THSD4: variants seen among roughly 807,000 people sequenced by gnomAD.
The protein encoded by THSD4 is thrombospondin type 1 domain containing 4, also known as thrombospondin type-1 domain-containing protein 4.
THSD4 carries 69 observed loss-of-function variants against 119.0 expected under a neutral mutation model. The ratio of observed to expected loss-of-function variants is 0.58; its 90% CI spans 0.48 to 0.71. The LOEUF is 0.71. Among genes scored for constraint, THSD4 ranks in the 30% least tolerant of loss-of-function variants. THSD4 has a pLI of 0.00. For missense variants in THSD4, 1,393 were observed against 1,391.1 expected, an observed-to-expected ratio of 1.00 and a Z score of -0.02; for synonymous variants, 524 against 540.4, an observed-to-expected ratio of 0.97 and a Z score of 0.42.
At chr15:71,114,482 C>T (rs944935796), upstream of THSD4, among the ~76,000 whole-genome samples, 6 of 152,150 alleles carry the variant, frequency 3.9e-5, no homozygotes, top group Admixed American at 6.5e-5. Flanking sequence ...ATTTGTCACC[C>T]CCTCCCTGCT....
rs561618907 is a variant in THSD4 at position 71,447,362 on chromosome 15, GCCACCTTGGCTTC to G, written c.1152+35556_1152+35568del. Among the ~76,000 whole-genome samples the G allele has an allele frequency of 5.5e-3, 828 of 151,792 alleles. 7 individuals are homozygous for G. The highest frequency in any genetic ancestry group is 0.019 in the African/African-American group (789 of 41,350). ...TCTTGATCTCTTGACCTCGTGATCCGCCACCTTGGCTTCCCACCTTGGCTTCCCAAAGTGCAAG... is the reference window on the plus strand; with the variant it reads ...TCTTGATCTCTTGACCTCGTGATCCGCCACCTTGGCTTCCCAAAGTGCAAG... On this transcript the variant is annotated intron_variant, in intron 7 of 17. Transcript: ENST00000261862.
intron 14 of THSD4, among the ~76,000 whole-genome samples, chr15:71,755,404 C>A (rs543246984): frequency 3.9e-4 from 59 of 152,200 alleles, no homozygotes; most frequent in African/African-American, 1.4e-3. Flanking sequence ...TTGTTTTTCC[C>A]TTTTCTCAAT....
intron 7 of THSD4, among the ~76,000 whole-genome samples, chr15:71,472,479 C>T (rs1452620285): frequency 6.6e-6 from 1 of 152,122 alleles, no homozygotes; most frequent in Non-Finnish European, 1.5e-5. Context: ...TTGGACTGTC[C>T]CTGCAAGCCT....
intron 6 of THSD4, among the ~76,000 whole-genome samples, chr15:71,387,680 C>G (rs920482246): frequency 1.4e-4 from 22 of 152,036 alleles, no homozygotes; most frequent in African/African-American, 5.3e-4. Context: ...TATGTGCTGT[C>G]CTTAAAAAAG....
chr15:71,229,110 T>A (rs917394606), intron 4 of THSD4, among the ~76,000 whole-genome samples: 2 of 152,256 alleles, frequency 1.3e-5, no homozygotes, highest in Non-Finnish European at 2.9e-5. Context: ...GTTGTTAAGC[T>A]CTTTAGAGGC....
chr15:71,781,259 A>G lies in THSD4; in HGVS notation c.*3885A>G, dbSNP rs1424453309. On this transcript the variant is annotated 3_prime_UTR_variant, in exon 18 of 18. Transcript: ENST00000261862. ...AGACTAGAATAAAACTTGGATGTTA[A>G]AAATTCACCAGGAATCCACATAAAG... 1 of 156,280 alleles carries G rather than the reference A, an allele frequency of 6.4e-6. No homozygotes were observed. Among genetic ancestry groups the G allele is most frequent in the Non-Finnish European group, 1.4e-5 (1 of 70,362 alleles). The allele number at this position is 156,280 out of a possible 1,614,324, so 9.7% of individuals were successfully genotyped here. A position where few individuals can be genotyped will look rare whatever the true frequency, so the allele number is the denominator to read the frequency against.
chr15:71,551,193 T>C (rs1326645279), intron 7 of THSD4, among the ~76,000 whole-genome samples: 2 of 152,248 alleles, frequency 1.3e-5, no homozygotes, highest in African/African-American at 4.8e-5. Context: ...AAATTGAATG[T>C]GCATAAAATG....
At chr15:71,565,183 G>A (rs1281441313) in intron 7 of THSD4, among the ~76,000 whole-genome samples, 2 of 152,240 alleles carry the variant, frequency 1.3e-5, no homozygotes, top group African/African-American at 4.8e-5. Flanking sequence ...CCCTGACCCA[G>A]TGGAGATAAA....
At chr15:71,613,156 T>G (rs2050260953) in intron 7 of THSD4, among the ~76,000 whole-genome samples, 1 of 152,032 alleles carries the variant, frequency 6.6e-6, no homozygotes, top group South Asian at 2.1e-4. Flanking sequence ...TCCCAAAGCA[T>G]GTTTCAGAAC....
intron 7 of THSD4, among the ~76,000 whole-genome samples, chr15:71,412,535 G>A (rs1490281043): frequency 1.3e-5 from 2 of 152,178 alleles, no homozygotes; most frequent in Non-Finnish European, 2.9e-5. Flanking sequence ...ATGGAGCTAA[G>A]ATTTAGCAGG....
At chr15:71,516,452 C>T (rs72735349) in intron 7 of THSD4, among the ~76,000 whole-genome samples, 18,292 of 152,194 alleles carry the variant, frequency 0.12, 1,395 homozygotes, top group Middle Eastern at 0.28. Context: ...CCTCCTTTCT[C>T]TTCTATGACA....
chr15:71,354,022 T>C (rs2045777274), intron 6 of THSD4, among the ~76,000 whole-genome samples: 1 of 152,100 alleles, frequency 6.6e-6, no homozygotes, highest in African/African-American at 2.4e-5. Flanking sequence ...GCCACCTGGG[T>C]GTGGTAGCTC....
intron 1 of THSD4, among the ~76,000 whole-genome samples, chr15:71,109,013 A>AACAAACAT (rs1439283571): frequency 6.7e-6 from 1 of 148,712 alleles, no homozygotes; most frequent in Admixed American, 6.6e-5. Flanking sequence ...CAAACAAACA[A>AACAAACAT]AAAAACAAAC....
Position 71,611,215 on chromosome 15 carries a change from G to A in THSD4, c.1153-49315G>A, listed in dbSNP as rs66846688. Among the ~76,000 whole-genome samples the A allele has an allele frequency of 1.2e-4, 19 of 152,234 alleles. No homozygotes were observed. The South Asian group carries it at 1.5e-3, about 12-fold the overall frequency. The stretch of plus-strand genomic sequence containing the variant: ...AATAGCAGAGACAGCCAGTTTCAGC[G>A]CATGGACTCCATTTCCCTTGTGTAT... On this transcript the variant is annotated intron_variant, in intron 7 of 17. Coordinates refer to ENST00000261862, the MANE Select transcript of THSD4 (RefSeq NM_024817.3).
At position 71,320,696 on chromosome 15, in the gene THSD4, G is replaced by A. The variant is rs140426848; in HGVS notation, c.1015+63981G>A. 2.8e-4 allele frequency among the ~76,000 whole-genome samples: 42 copies of A among 152,260 alleles called. No individual in the cohort carries two copies. In the East Asian group the frequency reaches 7.9e-3, roughly 29 times the overall value. ...AAGCTTTTTCAAAAATGTGGGACTC[G>A]CACTGCTTGTCCCTTGATTTTAGTG... On this transcript the variant is annotated intron_variant, in intron 6 of 17. Transcript: ENST00000261862.
chr15:71,512,600 T>C (rs770326983), intron 7 of THSD4, among the ~76,000 whole-genome samples: 5 of 152,198 alleles, frequency 3.3e-5, no homozygotes, highest in Admixed American at 6.5e-5. Flanking sequence ...ATATTTAACA[T>C]AGGATAAGGA....
chr15:71,341,054 T>C (rs1229032194), intron 6 of THSD4: 16 of 838,134 alleles, frequency 1.9e-5, no homozygotes, highest in Non-Finnish European at 2.8e-5. Context: ...CTCCCATTTC[T>C]TTTTTCTTTT....
chr15:71,426,464 C>G (rs2046870450), intron 7 of THSD4, among the ~76,000 whole-genome samples: 1 of 151,590 alleles, frequency 6.6e-6, no homozygotes, highest in South Asian at 2.1e-4. Flanking sequence ...CTCTGCTGAA[C>G]CACACAAGTA....
chr15:71,406,642 TGGTGTGTGTGTG>T (rs2046610454), intron 6 of THSD4, among the ~76,000 whole-genome samples: 2 of 134,806 alleles, frequency 1.5e-5, no homozygotes, highest in Admixed American at 8.1e-5. Context: ...CAGGTTTGTT[TGGTGTGTGTGTG>T]TGTGTGTGTG....
Sources: allele counts gnomAD v4.1 joint callset (sites outside exome capture counted in the v4.1 genomes callset), GRCh38; gene constraint gnomAD v4.1.1; transcripts MANE v1.5; gene names NCBI Gene and HGNC (gene_info 2026-07-23, HGNC 2026-07-21).